The following B4GALT1 variants were observed in gnomAD, a reference collection of about 807,000 sequenced individuals.
The protein encoded by B4GALT1 is N-acetyllactosamine synthase.
B4GALT1 carries 16 observed loss-of-function variants against 34.9 expected under a neutral mutation model. The ratio of observed to expected loss-of-function variants is 0.46; its 90% CI spans 0.31 to 0.70. The LOEUF is 0.70. Ranked by LOEUF, B4GALT1 falls within the 30% of genes least tolerant of loss-of-function variation. The pLI is 0.05. For synonymous variants in B4GALT1, 221 were observed against 218.1 expected, an observed-to-expected ratio of 1.01 and a Z score of -0.12; for missense variants, 445 against 530.5, an observed-to-expected ratio of 0.84 and a Z score of 1.58.
chr9:33,139,709 T>C (rs780164666), intron 1 of B4GALT1, among the ~76,000 whole-genome samples: 14 of 152,204 alleles, frequency 9.2e-5, no homozygotes, highest in East Asian at 1.9e-4. Context: ...TTCAGAATCA[T>C]GCAGACCTGC....
upstream of B4GALT1, among the ~76,000 whole-genome samples, chr9:33,169,340 A>G (rs1840817655): frequency 6.6e-6 from 1 of 152,110 alleles, no homozygotes; most frequent in African/African-American, 2.4e-5. Context: ...CTATTCCTTG[A>G]ACTTGCCATA....
At chr9:33,143,672 T>C (rs555703037) in intron 1 of B4GALT1, among the ~76,000 whole-genome samples, 2 of 152,312 alleles carry the variant, frequency 1.3e-5, no homozygotes, top group Admixed American at 1.3e-4. Flanking sequence ...CTGGACTACA[T>C]TTTGAGAAAC....
At chr9:33,160,733 C>T (rs1840662146) in intron 1 of B4GALT1, among the ~76,000 whole-genome samples, 1 of 151,924 alleles carries the variant, frequency 6.6e-6, no homozygotes, top group Non-Finnish European at 1.5e-5. Context: ...TGCACTCCAG[C>T]CTGGGTGACA....
At chr9:33,135,911 ATGTGTG>A (rs34931533) in intron 1 of B4GALT1, among the ~76,000 whole-genome samples, 1 of 135,990 alleles carries the variant, frequency 7.4e-6, no homozygotes, top group African/African-American at 2.8e-5. Flanking sequence ...GTGTGTGTGT[ATGTGTG>A]TGTGTGTGTG....
upstream of B4GALT1, among the ~76,000 whole-genome samples, chr9:33,167,630 C>T (rs879607632): frequency 6.6e-5 from 10 of 152,250 alleles, no homozygotes; most frequent in Non-Finnish European, 1.5e-4. Flanking sequence ...TCCTCCTCCA[C>T]GCTGCCCTCG....
chr9:33,124,924 G>C (rs1840069733), intron 2 of B4GALT1, among the ~76,000 whole-genome samples: 2 of 152,230 alleles, frequency 1.3e-5, no homozygotes, highest in African/African-American at 2.4e-5. Flanking sequence ...TGTGAAATGC[G>C]TAGGAAGTCA....
chr9:33,171,184 G>T (rs538324616), upstream of B4GALT1, among the ~76,000 whole-genome samples: 1 of 152,244 alleles, frequency 6.6e-6, no homozygotes, highest in Non-Finnish European at 1.5e-5. Flanking sequence ...ACAATTTCTC[G>T]CAGTTTTGCA....
chr9:33,165,028 A>C (rs1346419000), intron 1 of B4GALT1, among the ~76,000 whole-genome samples: 2 of 131,422 alleles, frequency 1.5e-5, no homozygotes, highest in Non-Finnish European at 3.1e-5. Flanking sequence ...GCTGGAGTGT[A>C]CTGGCACAAT....
In B4GALT1 at chr9:33,111,276, A is replaced by AAAAAAAAAAAAAAC. The variant is rs1564033760; in HGVS notation, c.*2177_*2178insGTTTTTTTTTTTTT. 3.6e-4 allele frequency: 38 copies of AAAAAAAAAAAAAAC among 106,006 alleles called. No homozygotes were observed. Among genetic ancestry groups the AAAAAAAAAAAAAAC allele is most frequent in the Non-Finnish European group, 6.5e-4 (32 of 49,214 alleles). The allele number at this position is 106,006 out of a possible 1,614,324, so 6.6% of individuals were successfully genotyped here. ...AAAAAAAAAAAAAAAAAAAAAAAAA[A>AAAAAAAAAAAAAAC]AACAACAAGAAAAGGTAGAGTTTGG... On this transcript the variant is annotated 3_prime_UTR_variant, in exon 6 of 6. Transcript: ENST00000379731.
intron 2 of B4GALT1, among the ~76,000 whole-genome samples, chr9:33,125,356 A>T (rs1840076212): frequency 6.6e-6 from 1 of 152,230 alleles, no homozygotes; most frequent in Admixed American, 6.5e-5. Context: ...GATGAGCCAA[A>T]TCACCGAGGC....
At chr9:33,166,119 CAG>C (rs2118342380) in intron 1 of B4GALT1, among the ~76,000 whole-genome samples, 1 of 152,336 alleles carries the variant, frequency 6.6e-6, no homozygotes, top group Admixed American at 6.5e-5. Flanking sequence ...AATGAACACA[CAG>C]TGACAATTTA....
At chr9:33,148,805 A>T (rs374386823) in intron 1 of B4GALT1, among the ~76,000 whole-genome samples, 13 of 32,858 alleles carry the variant, frequency 4.0e-4, no homozygotes, top group Admixed American at 2.5e-3. Context: ...GCCTAAAAGT[A>T]AAAAAAAAAA....
At chr9:33,120,334 C>T in intron 3 of B4GALT1, 85 bp downstream of exon 3, 1 of 1,475,824 alleles carries the variant, frequency 6.8e-7, no homozygotes, top group Non-Finnish European at 9.5e-7. Context: ...CTTAAAGAGG[C>T]ACTCTTGAGC....
chr9:33,115,503 G>T (rs2376766), intron 4 of B4GALT1, among the ~76,000 whole-genome samples: 145,569 of 152,316 alleles, frequency 0.96, 69,689 homozygotes, highest in Middle Eastern at 0.99. Context: ...GAACTGACCA[G>T]GCCATAATGG....
chr9:33,162,526 G>A (rs1417990103), intron 1 of B4GALT1, among the ~76,000 whole-genome samples: 1 of 152,132 alleles, frequency 6.6e-6, no homozygotes, highest in Non-Finnish European at 1.5e-5. Context: ...CACCATACAA[G>A]ACCCTTCAGA....
intron 1 of B4GALT1, among the ~76,000 whole-genome samples, chr9:33,139,331 C>T (rs1215304413): frequency 2.6e-5 from 4 of 152,144 alleles, no homozygotes; most frequent in Non-Finnish European, 5.9e-5. Context: ...CTGTGCAGAG[C>T]TTTATCACTG....
chr9:33,130,879 A>AAGCAGGCAGAG (rs1840185678), intron 2 of B4GALT1, among the ~76,000 whole-genome samples: 1 of 151,132 alleles, frequency 6.6e-6, no homozygotes, highest in Admixed American at 6.6e-5. Flanking sequence ...TCACCACCAC[A>AAGCAGGCAGAG]GAAGCAGGCA....
chr9:33,138,232 A>C (rs933881205), intron 1 of B4GALT1, among the ~76,000 whole-genome samples: 1 of 152,208 alleles, frequency 6.6e-6, no homozygotes, highest in African/African-American at 2.4e-5. Context: ...GGACAGGAGA[A>C]GAGATGCCTG....
intron 2 of B4GALT1, among the ~76,000 whole-genome samples, chr9:33,127,628 T>G (rs1386684247): frequency 6.6e-6 from 1 of 152,174 alleles, no homozygotes; most frequent in African/African-American, 2.4e-5. Flanking sequence ...CACGGAAAAT[T>G]GGACATTACC....
Sources: allele counts gnomAD v4.1 joint callset (sites outside exome capture counted in the v4.1 genomes callset), GRCh38; gene constraint gnomAD v4.1.1; transcripts MANE v1.5; gene names NCBI Gene and HGNC (gene_info 2026-07-23, HGNC 2026-07-21).